The following ERO1A variants were observed in gnomAD, a reference collection of about 807,000 sequenced individuals.
ERO1A encodes the protein ERO1-like protein alpha.
In ERO1A, 49 loss-of-function variants were observed where a neutral mutation model predicts 76.9. The ratio of observed to expected loss-of-function variants is 0.64; its 90% CI spans 0.51 to 0.81. The LOEUF is 0.81. Among genes scored for constraint, ERO1A ranks in the 30% least tolerant of loss-of-function variants. The pLI, the probability that ERO1A is intolerant of heterozygous loss-of-function variation, is 0.00. For synonymous variants in ERO1A, 174 were observed against 181.2 expected, an observed-to-expected ratio of 0.96 and a Z score of 0.32; for missense variants, 448 against 542.1, an observed-to-expected ratio of 0.83 and a Z score of 1.72.
chr14:52,675,270 C>T (rs2040744408), intron 4 of ERO1A, among the ~76,000 whole-genome samples: 1 of 151,962 alleles, frequency 6.6e-6, no homozygotes, highest in African/African-American at 2.4e-5. Flanking sequence ...GTAATCCCAG[C>T]TACTCGGGAG....
At chr14:52,661,446 A>G in intron 8 of ERO1A, 142 bp from the exon 9 acceptor site, 1 of 525,526 alleles carries the variant, frequency 1.9e-6, no homozygotes, top group Non-Finnish European at 3.1e-6. Context: ...TCTGAAAGTG[A>G]GACATTCGTG....
rs540199781 is a variant in ERO1A, at chr14:52,664,731, A to G, written c.630-884T>C. ...TTTTGAGACGGAGTCTCACTCTGTC[A>G]CCCAGGCTGGAGTGCAGTGGTGCAA... On this transcript the variant is annotated intron_variant, in intron 7 of 15. Coordinates refer to ENST00000395686, the MANE Select transcript of ERO1A (RefSeq NM_014584.3). Among the ~76,000 whole-genome samples the G allele has an allele frequency of 1.2e-4, 18 of 149,556 alleles. No homozygotes were observed. In the South Asian group the frequency reaches 2.9e-3, roughly 24 times the overall value.
At chr14:52,675,418 G>C (rs544132567) in intron 4 of ERO1A, among the ~76,000 whole-genome samples, 1 of 151,360 alleles carries the variant, frequency 6.6e-6, no homozygotes, top group African/African-American at 2.4e-5. Flanking sequence ...TCTAGGTTAC[G>C]GGTATAAGAA....
At chr14:52,687,237 G>A (rs2041206672) in intron 1 of ERO1A, among the ~76,000 whole-genome samples, 1 of 151,976 alleles carries the variant, frequency 6.6e-6, no homozygotes, top group African/African-American at 2.4e-5. Context: ...ATCAGCCTGA[G>A]CAACATGGTA....
intron 1 of ERO1A, among the ~76,000 whole-genome samples, chr14:52,689,443 A>G (rs1191278250): frequency 6.6e-6 from 1 of 152,220 alleles, no homozygotes; most frequent in East Asian, 1.9e-4. Context: ...GCAAAATTAC[A>G]AGATACAAAA....
intron 1 of ERO1A, among the ~76,000 whole-genome samples, chr14:52,690,251 A>G (rs1024404863): frequency 6.6e-6 from 1 of 152,226 alleles, no homozygotes; most frequent in Non-Finnish European, 1.5e-5. Flanking sequence ...ACCAGCAATA[A>G]AAGCAAAAAT....
intron 11 of ERO1A, among the ~76,000 whole-genome samples, chr14:52,653,765 T>C (rs918856327): frequency 6.6e-6 from 1 of 151,916 alleles, no homozygotes; most frequent in Non-Finnish European, 1.5e-5. Context: ...ATAAAAATTA[T>C]TTATAAATAT....
intron 7 of ERO1A, 145 bp from the exon 8 acceptor site, chr14:52,663,992 C>CT: frequency 2.0e-6 from 1 of 499,374 alleles, no homozygotes; most frequent in Non-Finnish European, 3.6e-6. Flanking sequence ...CCTCTAATTG[C>CT]TTTAAGGGAG....
intron 13 of ERO1A, among the ~76,000 whole-genome samples, chr14:52,648,321 G>A (rs1161186082): frequency 6.6e-6 from 1 of 151,942 alleles, no homozygotes; most frequent in Non-Finnish European, 1.5e-5. Flanking sequence ...CTAGAGCATT[G>A]ACCAAAACTT....
chr14:52,671,946 T>C, intron 4 of ERO1A, 75 bp from the exon 5 acceptor site: 8 of 992,570 alleles, frequency 8.1e-6, no homozygotes, highest in Middle Eastern at 2.7e-4. Flanking sequence ...AGAAGTTATC[T>C]GAAGCTCTTT....
At position 52,647,142 on chromosome 14, in the gene ERO1A, ATTTTTTTTTTTTTTT is replaced by A. The variant is rs58456682; in HGVS notation, c.1126-696_1126-682del. ...AGGCACCTGCCACCACGCCCAGCTA[ATTTTTTTTTTTTTTT>A]TTTTTTTTTTTTTTTTTTTTTTTTA... On this transcript the variant is annotated intron_variant, in intron 13 of 15. Coordinates refer to ENST00000395686, the MANE Select transcript of ERO1A (RefSeq NM_014584.3). The A allele has an allele frequency of 7.7e-3, 476 of 62,154 alleles. 8 individuals carry two copies. The highest frequency in any genetic ancestry group is 0.028 in the African/African-American group (446 of 15,726). 3.9% of individuals were successfully genotyped at this position (62,154 alleles called of 1,614,324 possible).
Position 52,670,424 on chromosome 14 carries a change from G to C in ERO1A, c.508+1206C>G, listed in dbSNP as rs554281552. On this transcript the variant is annotated intron_variant, in intron 6 of 15. Coordinates refer to ENST00000395686, the MANE Select transcript of ERO1A (RefSeq NM_014584.3). ...GAGACGGAGTCTCGCTCTGTCACCA[G>C]GTTGGAGTGCAATGGCACAATCTCA... Among the ~76,000 whole-genome samples, 27 of 152,284 alleles carry C rather than the reference G, an allele frequency of 1.8e-4. No homozygotes were observed. The South Asian group carries it at 5.4e-3, about 30-fold the overall frequency.
At position 52,660,765 on chromosome 14, in the gene ERO1A, G is replaced by A. The variant is rs371032756; in HGVS notation, c.688+528C>T. 3.6e-4 allele frequency among the ~76,000 whole-genome samples: 55 copies of A among 152,280 alleles called. 1 individual carries two copies. In the South Asian group the frequency reaches 0.011, roughly 30 times the overall value. ...GTCTTTTCATATTGTTAAGCATATG[G>A]TCTTAAGAATAACAAATGTCATTTC... is the stretch of plus-strand genomic sequence containing the variant. On this transcript the variant is annotated intron_variant, in intron 9 of 15. Transcript: ENST00000395686.
chr14:52,694,733 T>A (rs1164606952), intron 1 of ERO1A, among the ~76,000 whole-genome samples: 1 of 152,126 alleles, frequency 6.6e-6, no homozygotes, highest in African/African-American at 2.4e-5. Flanking sequence ...CACTGAAGAA[T>A]AAGGACCTTC....
chr14:52,690,513 G>A (rs535323684), intron 1 of ERO1A, among the ~76,000 whole-genome samples: 7 of 152,260 alleles, frequency 4.6e-5, no homozygotes, highest in Admixed American at 3.3e-4. Flanking sequence ...GGCCAAGGAG[G>A]GCAGATCACC....
At chr14:52,689,347 G>A (rs1365711759) in intron 1 of ERO1A, among the ~76,000 whole-genome samples, 5 of 152,194 alleles carry the variant, frequency 3.3e-5, no homozygotes, top group Admixed American at 6.5e-5. Context: ...TAAAAAATAC[G>A]TAAAATTGTC....
Position 52,661,286 on chromosome 14 carries a change from T to A in ERO1A, c.688+7A>T, listed in dbSNP as rs774176593. The A allele has an allele frequency of 6.5e-6, 8 of 1,239,262 alleles. No homozygotes were observed. In the East Asian group the frequency reaches 2.1e-4, roughly 33 times the overall value. The allele number at this position is 1,239,262 out of a possible 1,614,324, so 76.8% of individuals were successfully genotyped here. A position where few individuals can be genotyped will look rare whatever the true frequency, so the allele number is the denominator to read the frequency against. Reference sequence around the variant, plus strand: ...CATATATGTAATATATAATAAATTATACTTACCTTCACTTGTCCCTGAAAA... The same window carrying A: ...CATATATGTAATATATAATAAATTAAACTTACCTTCACTTGTCCCTGAAAA... On this transcript the variant is annotated splice_region_variant and intron_variant, in intron 9 of 15. Coordinates refer to ENST00000395686, the MANE Select transcript of ERO1A (RefSeq NM_014584.3).
At chr14:52,645,253 A>G (rs993707191) in intron 15 of ERO1A, among the ~76,000 whole-genome samples, 2 of 152,040 alleles carry the variant, frequency 1.3e-5, no homozygotes, top group African/African-American at 4.8e-5. Flanking sequence ...GATGAATATT[A>G]AAATTCAATG....
chr14:52,690,939 G>A (rs2041333922), intron 1 of ERO1A, among the ~76,000 whole-genome samples: 1 of 151,902 alleles, frequency 6.6e-6, no homozygotes, highest in South Asian at 2.1e-4. Context: ...AGCTAATTTT[G>A]TATTTTTAGT....
Sources: gnomAD v4.1 joint callset for allele counts (sites outside exome capture counted in the v4.1 genomes callset) on GRCh38, gnomAD v4.1.1 for gene constraint, MANE v1.5 for transcripts, NCBI Gene and HGNC (gene_info 2026-07-23, HGNC 2026-07-21) for gene names.